Variants in MSI2 observed in about 807,000 individuals in gnomAD.
The protein encoded by MSI2 is musashi RNA binding protein 2.
Under a neutral mutation model 45.6 loss-of-function variants are expected in MSI2, and 17 were observed. The ratio of observed to expected loss-of-function variants is 0.37; its 90% CI spans 0.26 to 0.56. The LOEUF (loss-of-function observed/expected upper bound fraction) is 0.56, where lower values mean the gene tolerates loss of function less well. Among genes scored for constraint, MSI2 ranks in the 20% least tolerant of loss-of-function variants. MSI2 has a pLI of 0.77. For missense variants in MSI2, 293 were observed against 444.2 expected, an observed-to-expected ratio of 0.66 and a Z score of 3.06; for synonymous variants, 156 against 158.2, an observed-to-expected ratio of 0.99 and a Z score of 0.11.
At chr17:57,371,992 A>G (rs1359650505) in intron 5 of MSI2, among the ~76,000 whole-genome samples, 2 of 151,630 alleles carry the variant, frequency 1.3e-5, no homozygotes, top group African/African-American at 2.4e-5. Flanking sequence ...TTTATCTTAC[A>G]TTGGCCCTCC....
At chr17:57,573,433 T>C (rs937513150) in intron 7 of MSI2, among the ~76,000 whole-genome samples, 1 of 152,170 alleles carries the variant, frequency 6.6e-6, no homozygotes, top group African/African-American at 2.4e-5. Context: ...TTGACAAATT[T>C]TTATTGAGAA....
At chr17:57,418,718 T>C (rs1034032808) in intron 6 of MSI2, among the ~76,000 whole-genome samples, 3 of 152,202 alleles carry the variant, frequency 2.0e-5, no homozygotes, top group Admixed American at 6.5e-5. Context: ...TGGGAACTTT[T>C]ATGCAGCTTT....
At chr17:57,673,017 G>C (rs1912928985) in intron 11 of MSI2, among the ~76,000 whole-genome samples, 1 of 151,988 alleles carries the variant, frequency 6.6e-6, no homozygotes, top group Non-Finnish European at 1.5e-5. Context: ...CTTTCCATTG[G>C]CCAGTTTATT....
chr17:57,461,505 A>C (rs994592271), intron 6 of MSI2, among the ~76,000 whole-genome samples: 2 of 150,056 alleles, frequency 1.3e-5, no homozygotes, highest in Non-Finnish European at 3.0e-5. Context: ...TGCTGTCGGG[A>C]ACAGTAGGGC....
intron 13 of MSI2, among the ~76,000 whole-genome samples, chr17:57,678,654 A>G (rs1180446275): frequency 6.6e-6 from 1 of 152,100 alleles, no homozygotes; most frequent in Non-Finnish European, 1.5e-5. Context: ...CAAGGCCACT[A>G]AAGCCTTTCC....
At chr17:57,699,015 G>C in the MSI2 span, among the ~76,000 whole-genome samples, 1 of 9,854 alleles carries the variant, frequency 1.0e-4, no homozygotes, top group Non-Finnish European at 1.7e-4. Context: ...AAGAGGCGAG[G>C]AGAGAGAGAG....
intron 6 of MSI2, among the ~76,000 whole-genome samples, chr17:57,408,654 C>T (rs1018087681): frequency 5.4e-5 from 5 of 93,138 alleles, no homozygotes; most frequent in African/African-American, 1.6e-4. Flanking sequence ...CCTCCTGGGC[C>T]CTCTGAAGAC....
chr17:57,266,551 G>A (rs991651940), intron 5 of MSI2: 1 of 152,074 alleles, frequency 6.6e-6, no homozygotes, highest in Non-Finnish European at 1.5e-5. Flanking sequence ...TGTAGAAATG[G>A]GGTTTCACCA....
At chr17:57,295,580 T>C (rs1910851826) in intron 5 of MSI2, among the ~76,000 whole-genome samples, 1 of 152,182 alleles carries the variant, frequency 6.6e-6, no homozygotes, top group African/African-American at 2.4e-5. Flanking sequence ...TGTTAAGGAA[T>C]AGACTTATTA....
At chr17:57,593,336 T>C (rs1379647484) in intron 7 of MSI2, among the ~76,000 whole-genome samples, 1 of 152,196 alleles carries the variant, frequency 6.6e-6, no homozygotes, top group Non-Finnish European at 1.5e-5. Context: ...AGAAACTTCT[T>C]GTCTCACAGT....
intron 6 of MSI2, among the ~76,000 whole-genome samples, chr17:57,454,331 C>T (rs1367556942): frequency 6.6e-6 from 1 of 152,138 alleles, no homozygotes; most frequent in Non-Finnish European, 1.5e-5. Flanking sequence ...TTCTGAAGGG[C>T]AGTAGTGAGT....
At chr17:57,598,162 G>T (rs1346798906) in intron 8 of MSI2, among the ~76,000 whole-genome samples, 1 of 152,222 alleles carries the variant, frequency 6.6e-6, no homozygotes, top group Non-Finnish European at 1.5e-5. Context: ...AAAACATTTT[G>T]GTTGGCCACG....
intron 5 of MSI2, among the ~76,000 whole-genome samples, chr17:57,339,225 A>G (rs1914923641): frequency 6.6e-6 from 1 of 152,326 alleles, no homozygotes. Context: ...CACTGAGCAG[A>G]GGGTGAGTGG....
intron 6 of MSI2, among the ~76,000 whole-genome samples, chr17:57,441,069 A>G (rs1384484960): frequency 6.6e-6 from 1 of 152,168 alleles, no homozygotes; most frequent in Non-Finnish European, 1.5e-5. Flanking sequence ...GTTTTCAGGC[A>G]GCGCTTTGTA....
At chr17:57,565,550 T>A (rs556967174) in intron 7 of MSI2, among the ~76,000 whole-genome samples, 7 of 152,350 alleles carry the variant, frequency 4.6e-5, no homozygotes, top group African/African-American at 1.7e-4. Flanking sequence ...TCCTTCCTTT[T>A]GTCCTGCTCC....
chr17:57,265,248 G>C (rs16958138), intron 5 of MSI2: 1 of 152,088 alleles, frequency 6.6e-6, no homozygotes, highest in African/African-American at 2.4e-5. Flanking sequence ...CTGTGTTTTT[G>C]TGTTCAGGTC....
At chr17:57,336,411 A>C (rs532243103) in intron 5 of MSI2, among the ~76,000 whole-genome samples, 1 of 152,328 alleles carries the variant, frequency 6.6e-6, no homozygotes, top group Non-Finnish European at 1.5e-5. Flanking sequence ...TTCTTTGGGA[A>C]AGAGTTGGAG....
intron 5 of MSI2, among the ~76,000 whole-genome samples, chr17:57,290,833 G>T (rs1385148066): frequency 6.6e-6 from 1 of 152,190 alleles, no homozygotes; most frequent in Non-Finnish European, 1.5e-5. Context: ...GGCAGTGTTG[G>T]TCAGATTCTT....
intron 7 of MSI2, among the ~76,000 whole-genome samples, chr17:57,590,486 A>G (rs535070061): frequency 1.6e-4 from 25 of 152,306 alleles, no homozygotes; most frequent in African/African-American, 5.1e-4. Flanking sequence ...CATTTGGATA[A>G]AAGAGGGGGA....
Sources: allele counts gnomAD v4.1 joint callset (sites outside exome capture counted in the v4.1 genomes callset), GRCh38; gene constraint gnomAD v4.1.1; transcripts MANE v1.5; gene names NCBI Gene and HGNC (gene_info 2026-07-23, HGNC 2026-07-21).